The following PCDHGB3 variants were observed in gnomAD, a reference collection of about 807,000 sequenced individuals.
PCDHGB3 encodes the protein protocadherin gamma-B3.
PCDHGB3 carries 40 observed loss-of-function variants against 59.2 expected under a neutral mutation model. The ratio of observed to expected loss-of-function variants is 0.68; its 90% CI spans 0.52 to 0.88. The LOEUF is 0.88. Ranked by LOEUF, PCDHGB3 falls within the 40% of genes least tolerant of loss-of-function variation. PCDHGB3 has a pLI of 0.00. For synonymous variants in PCDHGB3, 581 were observed against 503.6 expected, an observed-to-expected ratio of 1.15 and a Z score of -2.06; for missense variants, 1,309 against 1,187.9, an observed-to-expected ratio of 1.10 and a Z score of -1.50.
chr5:141,460,912 G>GTGTA (rs145509489), intron 1 of PCDHGB3, among the ~76,000 whole-genome samples: 34,285 of 149,232 alleles, frequency 0.23, 4,672 homozygotes, highest in African/African-American at 0.39. Flanking sequence ...ATTCCATGGT[G>GTGTA]TATATATATA....
chr5:141,477,564 A>T lies in PCDHGB3; in HGVS notation c.2416-17243A>T. 2 of 1,613,924 alleles carry T rather than the reference A, an allele frequency of 1.2e-6. No individual in the cohort carries two copies. The highest frequency in any genetic ancestry group is 1.7e-6 in the Non-Finnish European group (2 of 1,179,980). On this transcript the variant is annotated intron_variant, in intron 1 of 3. Coordinates refer to ENST00000576222, the MANE Select transcript of PCDHGB3 (RefSeq NM_018924.5). The surrounding 1 kb of genome is among the most constrained non-coding windows in gnomAD (Gnocchi z 4.9). ...CCAATACTAAACCTAAGTGTCTGGG[A>T]CCCCGACGCCCCGCAGAATGCTCGG... is the stretch of plus-strand genomic sequence containing the variant.
At chr5:141,502,542 A>G (rs2099814957) in intron 2 of PCDHGB3, among the ~76,000 whole-genome samples, 1 of 152,216 alleles carries the variant, frequency 6.6e-6, no homozygotes, top group Admixed American at 6.5e-5. Context: ...TTCGTGTGGT[A>G]AAAACAGTGT....
rs537087639 is a variant in PCDHGB3 at position 141,510,502 on chromosome 5, G to A, written c.2564-445G>A. 3.3e-5 allele frequency among the ~76,000 whole-genome samples: 5 copies of A among 152,296 alleles called. No homozygotes were observed. The South Asian group carries it at 6.2e-4, about 19-fold the overall frequency. ...CTTGAGAAAGCCAGGGCAAGGAACTGAGAGCCCGTGTCACAGCCCTGAGAG... is the reference window on the plus strand; with the variant it reads ...CTTGAGAAAGCCAGGGCAAGGAACTAAGAGCCCGTGTCACAGCCCTGAGAG... On this transcript the variant is annotated intron_variant, in intron 3 of 3. Coordinates refer to ENST00000576222, the MANE Select transcript of PCDHGB3 (RefSeq NM_018924.5).
rs757586675 is a variant in PCDHGB3, at chr5:141,399,621, C to T, written c.2415+26812C>T. The T allele has an allele frequency of 1.1e-5, 17 of 1,613,830 alleles. No individual in the cohort carries two copies. The African/African-American group carries it at 2.3e-4, about 22-fold the overall frequency. On this transcript the variant is annotated intron_variant, in intron 1 of 3. Transcript: ENST00000576222. Reference sequence around the variant, plus strand: ...GCGACCTAGAGCCTCTGGCACTGGCCTCTTACGTGTCCATGAGCGCGCAAA... The same window carrying T: ...GCGACCTAGAGCCTCTGGCACTGGCTTCTTACGTGTCCATGAGCGCGCAAA...
intron 1 of PCDHGB3, chr5:141,383,493 G>T: frequency 1.2e-6 from 2 of 1,613,270 alleles, no homozygotes; most frequent in Non-Finnish European, 1.7e-6. Context: ...TGCTGGAGCG[G>T]GTGCTGGACC....
intron 1 of PCDHGB3, chr5:141,422,178 G>A (rs1561799748): frequency 1.9e-6 from 3 of 1,563,306 alleles, no homozygotes; most frequent in Non-Finnish European, 1.7e-6. Flanking sequence ...GATTCTATGA[G>A]ATGGAAATTC....
intron 1 of PCDHGB3, among the ~76,000 whole-genome samples, chr5:141,468,830 C>T (rs561511870): frequency 2.0e-5 from 3 of 152,170 alleles, no homozygotes; most frequent in East Asian, 1.9e-4. Flanking sequence ...CAAGCCACTG[C>T]ACTCCAGCCT....
Position 141,370,553 on chromosome 5 carries a change from C to G in PCDHGB3, c.159C>G (p.Asp53Glu). 1 of 1,613,810 alleles carries G rather than the reference C, an allele frequency of 6.2e-7. No homozygotes were observed. Among genetic ancestry groups the G allele is most frequent in the Non-Finnish European group, 8.5e-7 (1 of 1,179,862 alleles). The change falls in exon 1 of 4, where the codon GAC becomes GAG. Residue 53 changes from aspartate to glutamate, a missense_variant. Asp to Glu is a conservative substitution (Grantham distance 45, BLOSUM62 2). Coordinates refer to ENST00000576222, the MANE Select transcript of PCDHGB3 (RefSeq NM_018924.5). The part of the protein sequence containing the change: ...RGSLVGNLAK[D>E]LGFGVGDLPT... ...CGCTGGTAGGGAACCTCGCCAAGGACCTGGGGTTTGGCGTGGGGGATTTAC... is the reference window on the plus strand; with the variant it reads ...CGCTGGTAGGGAACCTCGCCAAGGAGCTGGGGTTTGGCGTGGGGGATTTAC...
At chr5:141,427,826 G>A (rs550161736) in intron 1 of PCDHGB3, 2 of 1,536,500 alleles carry the variant, frequency 1.3e-6, no homozygotes, top group Admixed American at 3.3e-5. Flanking sequence ...TGGTGGTCGC[G>A]CAGCGTGCCT....
At chr5:141,393,961 T>C (rs775398827) in intron 1 of PCDHGB3, 1 of 1,613,960 alleles carries the variant, frequency 6.2e-7, no homozygotes, top group South Asian at 1.1e-5. Flanking sequence ...GGTCAAGTTG[T>C]CTGTTACACA....
intron 1 of PCDHGB3, among the ~76,000 whole-genome samples, chr5:141,447,463 C>T (rs1004772636): frequency 6.6e-6 from 1 of 152,142 alleles, no homozygotes; most frequent in African/African-American, 2.4e-5. Context: ...AGTTTTTCTT[C>T]ACCATCTGTA....
chr5:141,482,103 A>C (rs34394498), intron 1 of PCDHGB3, among the ~76,000 whole-genome samples: 2 of 142,250 alleles, frequency 1.4e-5, no homozygotes, highest in Non-Finnish European at 3.0e-5. Flanking sequence ...AAAAAAAAAA[A>C]AATATCTAGA....
intron 1 of PCDHGB3, chr5:141,410,849 C>CTTTTTTTTTCTTTTTTTTTTT (rs2095433801): frequency 7.7e-6 from 1 of 129,786 alleles, no homozygotes; most frequent in Non-Finnish European, 1.3e-5. Context: ...TTGTCTTTGT[C>CTTTTTTTTTCTTTTTTTTTTT]TTTTTTTTTT....
rs370995300 is a variant in PCDHGB3, at chr5:141,399,359, C to T, written c.2415+26550C>T. ...GATGGAACCCTAGACCGAGAGCAAACCCCGGAGTACAATGTCACCATCACA... is the reference window on the plus strand; with the variant it reads ...GATGGAACCCTAGACCGAGAGCAAATCCCGGAGTACAATGTCACCATCACA... On this transcript the variant is annotated intron_variant, in intron 1 of 3. Coordinates refer to ENST00000576222, the MANE Select transcript of PCDHGB3 (RefSeq NM_018924.5). 2.6e-4 allele frequency: 427 copies of T among 1,613,884 alleles called. No individual in the cohort carries two copies. The highest frequency in any genetic ancestry group is 1.2e-4 in the Non-Finnish European group (140 of 1,179,916).
chr5:141,509,709 T>C (rs1344120168), intron 3 of PCDHGB3, among the ~76,000 whole-genome samples: 1 of 152,200 alleles, frequency 6.6e-6, no homozygotes, highest in African/African-American at 2.4e-5. Context: ...CTGGAGGTGC[T>C]GTCTGATGTC....
Position 141,485,598 on chromosome 5 carries a change from T to C in PCDHGB3, c.2416-9209T>C, listed in dbSNP as rs931717579. 25 of 1,612,028 alleles carry C rather than the reference T, an allele frequency of 1.6e-5. No individual in the cohort carries two copies. Among genetic ancestry groups the C allele is most frequent in the African/African-American group, 2.7e-5 (2 of 74,838 alleles). ...CCGCGGCAGCAGCTGGACTTGGAAA[T>C]TGGGGAGGCAGCTCCTCCAGGACAG... On this transcript the variant is annotated intron_variant, in intron 1 of 3. Transcript: ENST00000576222. This position sits in a 1 kb window ranked among gnomAD's most constrained non-coding sequence, Gnocchi z 5.7.
Position 141,491,482 on chromosome 5 carries a change from A to G in PCDHGB3, c.2416-3325A>G. On this transcript the variant is annotated intron_variant, in intron 1 of 3. Coordinates refer to ENST00000576222, the MANE Select transcript of PCDHGB3 (RefSeq NM_018924.5). The surrounding 1 kb of genome is among the most constrained non-coding windows in gnomAD (Gnocchi z 6.9). Reference sequence around the variant, plus strand: ...GGACTTCTATAAGCAGTCCAGCCCCAACCTGCAGGTGAGCTCGGACGGCAC... The same window carrying G: ...GGACTTCTATAAGCAGTCCAGCCCCGACCTGCAGGTGAGCTCGGACGGCAC... 1 of 1,614,088 alleles carries G rather than the reference A, an allele frequency of 6.2e-7. No individual in the cohort carries two copies. The highest frequency in any genetic ancestry group is 8.5e-7 in the Non-Finnish European group (1 of 1,180,006).
At chr5:141,463,741 C>T (rs1011021860) in intron 1 of PCDHGB3, among the ~76,000 whole-genome samples, 3 of 152,034 alleles carry the variant, frequency 2.0e-5, no homozygotes, top group Admixed American at 1.3e-4. Context: ...CCACCGCGCC[C>T]GGCCTGCTTC....
intron 1 of PCDHGB3, among the ~76,000 whole-genome samples, chr5:141,475,097 T>C (rs180692931): frequency 6.6e-6 from 1 of 152,370 alleles, no homozygotes; most frequent in East Asian, 1.9e-4. Context: ...TTTATAAAGA[T>C]CCTAGGTGGT....
Sources: allele counts gnomAD v4.1 joint callset (sites outside exome capture counted in the v4.1 genomes callset), GRCh38; gene constraint gnomAD v4.1.1; non-coding constraint Gnocchi (gnomAD v3.1); transcripts MANE v1.5; gene names NCBI Gene and HGNC (gene_info 2026-07-23, HGNC 2026-07-21).